Variants in HEATR5A observed in about 807,000 individuals in gnomAD.
HEATR5A encodes HEAT repeat-containing protein 5A.
HEATR5A carries 178 observed loss-of-function variants against 218.8 expected under a neutral mutation model. The ratio of observed to expected loss-of-function variants is 0.81; its 90% CI spans 0.72 to 0.92. HEATR5A has a LOEUF of 0.92. Among genes scored for constraint, HEATR5A ranks in the 40% least tolerant of loss-of-function variants. The pLI is 0.00. For missense variants in HEATR5A, 2,420 were observed against 2,418.9 expected (o/e 1.00, Z -0.01); for synonymous variants, 864 against 871.6 (o/e 0.99, Z 0.15).
chr14:31,380,629 AC>A, intron 10 of HEATR5A, 51 bp from the exon 11 acceptor site: 2 of 1,108,194 alleles, frequency 1.8e-6, no homozygotes, highest in Non-Finnish European at 2.6e-6. Flanking sequence ...TTTATAAATT[AC>A]TAAATGATAG....
intron 9 of HEATR5A, among the ~76,000 whole-genome samples, chr14:31,385,661 GTA>G (rs1174985269): frequency 1.3e-5 from 2 of 152,150 alleles, no homozygotes; most frequent in South Asian, 4.1e-4. Flanking sequence ...TGACTGTACA[GTA>G]TAGCAAATAT....
chr14:31,358,489 T>C (rs1462896190), intron 16 of HEATR5A, 148 bp downstream of exon 16: 3 of 694,698 alleles, frequency 4.3e-6, no homozygotes, highest in Non-Finnish European at 7.1e-6. Context: ...TATTAAGTAT[T>C]AGCCAAGTGA....
At chr14:31,359,283 TAAGA>T (rs71644560) in intron 14 of HEATR5A, among the ~76,000 whole-genome samples, 10,802 of 51,038 alleles carry the variant, frequency 0.21, 505 homozygotes, top group East Asian at 0.29. Flanking sequence ...TCTCAAAGTG[TAAGA>T]GTGTGTGTGT....
At chr14:31,411,965 C>T (rs994419132) in intron 1 of HEATR5A, among the ~76,000 whole-genome samples, 5 of 152,030 alleles carry the variant, frequency 3.3e-5, no homozygotes, top group Non-Finnish European at 4.4e-5. Flanking sequence ...AAGCTATTCT[C>T]GTATCTCAGC....
chr14:31,419,147 G>A (rs1436502651), intron 1 of HEATR5A, among the ~76,000 whole-genome samples: 1 of 152,060 alleles, frequency 6.6e-6, no homozygotes, highest in African/African-American at 2.4e-5. Flanking sequence ...TTCAGGTGAG[G>A]AGTCTTTTCT....
In HEATR5A at chr14:31,374,981, C is replaced by T. The variant is rs1375398636; in HGVS notation, c.1709-13G>A. 1.2e-5 allele frequency: 19 copies of T among 1,586,460 alleles called. No homozygotes were observed. The highest frequency in any genetic ancestry group is 1.6e-5 in the Non-Finnish European group (19 of 1,167,566). ...ACAACTGCAGGACCTGTAATTTATTCAACTTGTCACTTGTAAGAGAATCCA... is the reference window on the plus strand; with the variant it reads ...ACAACTGCAGGACCTGTAATTTATTTAACTTGTCACTTGTAAGAGAATCCA... On this transcript the variant is annotated splice_polypyrimidine_tract_variant and intron_variant, in intron 11 of 35. Transcript: ENST00000543095.
intron 2 of HEATR5A, among the ~76,000 whole-genome samples, chr14:31,402,184 C>A (rs116886731): frequency 0.013 from 1,944 of 152,260 alleles, 26 homozygotes; most frequent in African/African-American, 0.038. Context: ...CTGTTAAATT[C>A]TAAATGTCTC....
In HEATR5A at chr14:31,304,320, C is replaced by T. The variant is rs549065487; in HGVS notation, c.5239+585G>A. On this transcript the variant is annotated intron_variant, in intron 32 of 35. Transcript: ENST00000543095. ...GAAAAGTCTGTTAGAAATTGTATAC[C>T]AAAACATGCCCAAGCACTAATAATT... Among the ~76,000 whole-genome samples, 3 of 152,278 alleles carry T rather than the reference C, an allele frequency of 2.0e-5. No individual in the cohort carries two copies. In the South Asian group the frequency reaches 6.2e-4, roughly 32 times the overall value.
chr14:31,359,003 A>C lies in HEATR5A; in HGVS notation c.2126T>G (p.Ile709Ser). 6.3e-7 allele frequency: 1 copy of C among 1,587,994 alleles called. No homozygotes were observed. Among genetic ancestry groups the C allele is most frequent in the Non-Finnish European group, 8.5e-7 (1 of 1,174,046 alleles). ...ELAADLTAPD[I>S]QVAASTFLLP... ...TAAAAATGTAGATGCTGCCACCTGA[A>C]TATCAGGGGCAGTCAAGTCAGCAGC... Residue 709 changes from isoleucine (I) to serine (S), a missense_variant, in exon 15 of 36, where the codon ATT becomes AGT. Physicochemically the swap from Ile to Ser is moderately radical, Grantham distance 142. Transcript: ENST00000543095.
At position 31,323,786 on chromosome 14, in the gene HEATR5A, C is replaced by A; in HGVS notation, c.3566G>T (p.Cys1189Phe). 6.3e-7 allele frequency: 1 copy of A among 1,588,590 alleles called. No homozygotes were observed. Among genetic ancestry groups the A allele is most frequent in the Non-Finnish European group, 8.6e-7 (1 of 1,157,640 alleles). Residue 1189 changes from cysteine to phenylalanine, a missense_variant, in exon 24 of 36, where the codon TGT (cysteine) becomes TTT (phenylalanine). By Grantham distance (205) the Cys-to-Phe change is radical. Transcript: ENST00000543095. ...TTCTTCTTCTTGCATTGTATCCACA[C>A]AAGTTACAGCTGTAAAATCTTTTAT... is the stretch of plus-strand genomic sequence containing the variant. The part of the protein sequence containing the change: ...AASADFTAVT[C>F]VDTMQEEEGD...
In HEATR5A at chr14:31,386,416, A is replaced by C. The variant is rs181495378; in HGVS notation, c.1345+4T>G. 2 of 1,612,186 alleles carry C rather than the reference A, an allele frequency of 1.2e-6. No individual in the cohort carries two copies. The highest frequency in any genetic ancestry group is 1.3e-5 in the African/African-American group (1 of 74,900). ...GTATTCCAATGAGTCACAAACAGAT[A>C]TACCTGTACTTGAATCCTGTAGCAA... On this transcript the variant is annotated splice_donor_region_variant and intron_variant, in intron 9 of 35. Coordinates refer to ENST00000543095, the MANE Select transcript of HEATR5A (RefSeq NM_015473.4).
In HEATR5A at chr14:31,309,029, G is replaced by C; in HGVS notation, c.4595C>G (p.Pro1532Arg). The change falls in exon 29 of 36, where the codon CCT becomes CGT. Residue 1532 changes from proline (P) to arginine (R), a missense_variant. Transcript: ENST00000543095. The part of the protein sequence containing the change: ...PDEGASNLSR[P>R]VTPTSMCQGS... ...CTGACACATGGAAGTTGGTGTTACA[G>C]GCCTGGAGAGATTAGATGCTCCTTC... The C allele has an allele frequency of 1.2e-6, 2 of 1,613,964 alleles. No individual in the cohort carries two copies. Among genetic ancestry groups the C allele is most frequent in the Non-Finnish European group, 1.7e-6 (2 of 1,179,868 alleles).
intron 14 of HEATR5A, among the ~76,000 whole-genome samples, chr14:31,362,989 C>T (rs781496514): frequency 6.6e-6 from 1 of 151,962 alleles, no homozygotes; most frequent in African/African-American, 2.4e-5. Context: ...GTAATCCCAG[C>T]GCTTTGGGAG....
At chr14:31,330,335 C>T (rs1479899340) in intron 22 of HEATR5A, among the ~76,000 whole-genome samples, 2 of 152,158 alleles carry the variant, frequency 1.3e-5, no homozygotes, top group Admixed American at 1.3e-4. Context: ...ATGGCTGGAA[C>T]AGCTGGAACA....
Position 31,420,459 on chromosome 14 carries a change from CCCGACTGCCTG to C in HEATR5A, c.-75+2_-75+12del, listed in dbSNP as rs1243079194. ...CGGAGGTGTCCCCGCTCCCTGGATCCCCGACTGCCTGCCTTTGGGGGTCCTCCTCAGCTGAG... is the reference window on the plus strand; with the variant it reads ...CGGAGGTGTCCCCGCTCCCTGGATCCCCTTTGGGGGTCCTCCTCAGCTGAG... On this transcript the variant is annotated splice_donor_variant and splice_donor_5th_base_variant and intron_variant, in intron 1 of 35. Transcript: ENST00000543095. LOFTEE classifies it low-confidence loss of function (5UTR_SPLICE). 5 of 153,178 alleles carry C rather than the reference CCCGACTGCCTG, an allele frequency of 3.3e-5. No homozygotes were observed. The highest frequency in any genetic ancestry group is 7.2e-5 in the Non-Finnish European group (5 of 69,076). 9.5% of individuals were successfully genotyped at this position (153,178 alleles called of 1,614,324 possible). A position where few individuals can be genotyped will look rare whatever the true frequency, so the allele number is the denominator to read the frequency against.
chr14:31,365,181 T>C (rs1444905340), intron 13 of HEATR5A, among the ~76,000 whole-genome samples: 3 of 152,136 alleles, frequency 2.0e-5, no homozygotes, highest in East Asian at 1.9e-4. Flanking sequence ...CCAGGACTAC[T>C]ACTTTTAACA....
chr14:31,296,143 T>C, intron 33 of HEATR5A, 80 bp from the exon 34 acceptor site: 2 of 1,213,706 alleles, frequency 1.6e-6, no homozygotes, highest in South Asian at 1.4e-5. Flanking sequence ...AGTTTGGTAG[T>C]AACAGTTTGG....
chr14:31,344,421 G>A (rs1030587458), intron 20 of HEATR5A, among the ~76,000 whole-genome samples: 5 of 151,750 alleles, frequency 3.3e-5, no homozygotes, highest in Non-Finnish European at 5.9e-5. Context: ...TGGGACTACA[G>A]GCGCACACCA....
At position 31,306,830 on chromosome 14, in the gene HEATR5A, C is replaced by A. The variant is rs767118544; in HGVS notation, c.4868G>T (p.Arg1623Ile). ...AGCCAACTGAATGGAAGGTGATTCTCTGGTTAAAATTACTCGATGTAGAAC... is the reference window on the plus strand; with the variant it reads ...AGCCAACTGAATGGAAGGTGATTCTATGGTTAAAATTACTCGATGTAGAAC... ...LNVLHRVILT[R>I]ESPSIQLASL... The change falls in exon 31 of 36, where the codon AGA becomes ATA. Residue 1623 changes from arginine to isoleucine, a missense_variant. By Grantham distance (97) the Arg-to-Ile change is moderately conservative. Transcript: ENST00000543095. 1.1e-5 allele frequency: 17 copies of A among 1,613,542 alleles called. No individual in the cohort carries two copies. The Admixed American group carries it at 1.5e-4, about 14-fold the overall frequency.
Sources: allele counts gnomAD v4.1 joint callset (sites outside exome capture counted in the v4.1 genomes callset), GRCh38; gene constraint gnomAD v4.1.1; transcripts MANE v1.5; gene names NCBI Gene and HGNC (gene_info 2026-07-23, HGNC 2026-07-21).